Variants in CHKA observed in about 807,000 individuals in gnomAD.
CHKA encodes choline kinase alpha, also known as CHETK-alpha.
In CHKA, 34 loss-of-function variants were observed where a neutral mutation model predicts 60.1. The observed-to-expected ratio is 0.57, with a 90% confidence interval of 0.43 to 0.75. The LOEUF is 0.75. CHKA is among the 30% of genes least tolerant of loss of function. The pLI is 0.00. For missense variants in CHKA, 563 were observed against 561.3 expected, an observed-to-expected ratio of 1.00 and a Z score of -0.03; for synonymous variants, 217 against 223.1, an observed-to-expected ratio of 0.97 and a Z score of 0.24.
chr11:68,104,377 T>C (rs1857838857), intron 1 of CHKA, among the ~76,000 whole-genome samples: 2 of 152,112 alleles, frequency 1.3e-5, no homozygotes, highest in Non-Finnish European at 1.5e-5. Flanking sequence ...TATAGTCAGA[T>C]GGAAGGAATA....
At chr11:68,112,906 C>A (rs1333747484) in intron 1 of CHKA, among the ~76,000 whole-genome samples, 1 of 151,398 alleles carries the variant, frequency 6.6e-6, no homozygotes, top group Admixed American at 6.6e-5. Context: ...CACAGTGAAA[C>A]CCCATCTCTA....
intron 2 of CHKA, among the ~76,000 whole-genome samples, chr11:68,093,574 G>A (rs754889036): frequency 5.3e-5 from 8 of 151,808 alleles, no homozygotes; most frequent in African/African-American, 1.7e-4. Context: ...GAAATAAATC[G>A]GGACATAGAA....
chr11:68,092,507 A>G (rs2134641515), intron 2 of CHKA, among the ~76,000 whole-genome samples: 1 of 152,348 alleles, frequency 6.6e-6, no homozygotes, highest in South Asian at 2.1e-4. Flanking sequence ...TCCTCGGCAC[A>G]GTGTGTGGCA....
chr11:68,086,716 G>A (rs1335579716), intron 2 of CHKA, among the ~76,000 whole-genome samples: 2 of 152,248 alleles, frequency 1.3e-5, no homozygotes, highest in East Asian at 3.8e-4. Flanking sequence ...GGCTGGGCGT[G>A]GTGGCTCACG....
chr11:68,057,611 G>A lies in CHKA; in HGVS notation c.1315-3564C>T, dbSNP rs181891227. Among the ~76,000 whole-genome samples the A allele has an allele frequency of 2.4e-3, 368 of 152,176 alleles. 1 individual carries two copies. Among genetic ancestry groups the A allele is most frequent in the African/African-American group, 8.5e-3 (353 of 41,534 alleles). ...TGGGATTACAGGCGTGAGCCACCGC[G>A]ACCAGTCTAGGTCACTAAGCTTTTC... On this transcript the variant is annotated intron_variant, in intron 11 of 11. Coordinates refer to ENST00000265689, the MANE Select transcript of CHKA (RefSeq NM_001277.3).
intron 4 of CHKA, among the ~76,000 whole-genome samples, chr11:68,072,103 G>C (rs1054081706): frequency 6.6e-6 from 1 of 152,220 alleles, no homozygotes; most frequent in Middle Eastern, 3.2e-3. Context: ...GCTCAGATAT[G>C]AACAAATCTC....
intron 1 of CHKA, among the ~76,000 whole-genome samples, chr11:68,117,852 G>A (rs1462247145): frequency 2.0e-5 from 3 of 152,200 alleles, no homozygotes; most frequent in Non-Finnish European, 2.9e-5. Context: ...TCCTGTTCTA[G>A]TGTCTAAGCA....
chr11:68,114,693 T>C lies in CHKA; in HGVS notation c.350+6135A>G, dbSNP rs536103839. ...GCCTCGGCGACAGAGCGAGACTCTG[T>C]CTCGGGAAAAAAAAAAAAAAGAAGA... On this transcript the variant is annotated intron_variant, in intron 1 of 11. Coordinates refer to ENST00000265689, the MANE Select transcript of CHKA (RefSeq NM_001277.3). Among the ~76,000 whole-genome samples the C allele has an allele frequency of 4.6e-4, 67 of 145,882 alleles. No individual in the cohort carries two copies. In the South Asian group the frequency reaches 0.014, roughly 30 times the overall value.
chr11:68,073,479 C>G (rs1365205407), intron 4 of CHKA, among the ~76,000 whole-genome samples: 2 of 152,146 alleles, frequency 1.3e-5, no homozygotes, highest in Non-Finnish European at 2.9e-5. Context: ...CATGGAGAAA[C>G]CCTGTCTCTA....
intron 2 of CHKA, among the ~76,000 whole-genome samples, chr11:68,087,341 G>A (rs1857212285): frequency 6.6e-6 from 1 of 152,014 alleles, no homozygotes; most frequent in South Asian, 2.1e-4. Flanking sequence ...AATTAGCCGG[G>A]TCTGGTGGCA....
chr11:68,061,913 T>C (rs1447368478), intron 11 of CHKA, 40 bp downstream of exon 11: 2 of 1,325,868 alleles, frequency 1.5e-6, no homozygotes, highest in East Asian at 2.5e-5. Context: ...TACCTGGGAG[T>C]AGGAAGAAAA....
chr11:68,113,152 T>C (rs1023462826), intron 1 of CHKA, among the ~76,000 whole-genome samples: 7 of 138,080 alleles, frequency 5.1e-5, no homozygotes. Context: ...AATTAAAATT[T>C]TAAAATGGGC....
At chr11:68,105,990 A>G (rs901421849) in intron 1 of CHKA, among the ~76,000 whole-genome samples, 11 of 152,250 alleles carry the variant, frequency 7.2e-5, no homozygotes, top group African/African-American at 2.7e-4. Flanking sequence ...CAGAGAAATG[A>G]TCTTTAAGCC....
intron 1 of CHKA, among the ~76,000 whole-genome samples, chr11:68,108,998 T>C (rs1453700086): frequency 7.2e-6 from 1 of 139,308 alleles, no homozygotes; most frequent in Non-Finnish European, 1.6e-5. Flanking sequence ...CTCTACGAGT[T>C]CCTTACAGTG....
Position 68,053,689 on chromosome 11 carries a change from A to G in CHKA, c.*299T>C. 1 of 338,706 alleles carries G rather than the reference A, an allele frequency of 3.0e-6. No homozygotes were observed. Among genetic ancestry groups the G allele is most frequent in the South Asian group, 4.7e-5 (1 of 21,118 alleles). The allele number at this position is 338,706 out of a possible 1,614,324, so 21.0% of individuals were successfully genotyped here. On this transcript the variant is annotated 3_prime_UTR_variant, in exon 12 of 12. Coordinates refer to ENST00000265689, the MANE Select transcript of CHKA (RefSeq NM_001277.3). ...CTTGCTGTTTGCCTCATCTGACTGG[A>G]AACCTTAGCCCCCAAATATGAAATG...
chr11:68,084,415 TATATATATACAC>T (rs1857109520), intron 2 of CHKA, among the ~76,000 whole-genome samples: 1 of 76,294 alleles, frequency 1.3e-5, no homozygotes, highest in Non-Finnish European at 2.6e-5. Context: ...TATATGTGTA[TATATATATACAC>T]ATATATATAC....
intron 5 of CHKA, 96 bp downstream of exon 5, chr11:68,070,628 A>C (rs1590843026): frequency 7.7e-7 from 1 of 1,306,050 alleles, no homozygotes; most frequent in Non-Finnish European, 1.1e-6. Context: ...AACTAGGAAG[A>C]CCTCTGACTA....
At chr11:68,072,550 TAAAA>T (rs10708078) in intron 4 of CHKA, among the ~76,000 whole-genome samples, 3 of 112,738 alleles carry the variant, frequency 2.7e-5, no homozygotes, top group African/African-American at 3.4e-5. Flanking sequence ...GACCCTATCT[TAAAA>T]AAAAAAAAAA....
chr11:68,105,727 A>G (rs1857891602), intron 1 of CHKA, among the ~76,000 whole-genome samples: 1 of 152,084 alleles, frequency 6.6e-6, no homozygotes, highest in South Asian at 2.1e-4. Flanking sequence ...CTGTAACACA[A>G]AGATTTCCAC....
Sources: allele counts gnomAD v4.1 joint callset (sites outside exome capture counted in the v4.1 genomes callset), GRCh38; gene constraint gnomAD v4.1.1; transcripts MANE v1.5; gene names NCBI Gene and HGNC (gene_info 2026-07-23, HGNC 2026-07-21).